The following ZDHHC17 variants were observed in gnomAD, a reference collection of about 807,000 sequenced individuals.
ZDHHC17 encodes the protein palmitoyltransferase ZDHHC17.
A neutral mutation model predicts 90.3 loss-of-function variants in ZDHHC17; 40 were observed. That is an observed-to-expected ratio of 0.44 (90% CI 0.34 to 0.58). ZDHHC17 has a LOEUF of 0.58. Among genes scored for constraint, ZDHHC17 ranks in the 20% least tolerant of loss-of-function variants. The pLI is 0.01. For missense variants in ZDHHC17, 614 were observed against 780.8 expected (o/e 0.79, Z 2.55); for synonymous variants, 235 against 252.4 (o/e 0.93, Z 0.65).
intron 3 of ZDHHC17, among the ~76,000 whole-genome samples, chr12:76,807,763 C>A (rs112352596): frequency 6.6e-6 from 1 of 152,062 alleles, no homozygotes; most frequent in Non-Finnish European, 1.5e-5. Context: ...ATCTCAGGAA[C>A]AGTTGACTAT....
intron 1 of ZDHHC17, among the ~76,000 whole-genome samples, chr12:76,767,843 C>T (rs1400757404): frequency 6.6e-6 from 1 of 151,804 alleles, no homozygotes; most frequent in Non-Finnish European, 1.5e-5. Context: ...TGCTTGAACC[C>T]GGGAGGTGGA....
intron 10 of ZDHHC17, among the ~76,000 whole-genome samples, chr12:76,841,332 T>C (rs1455507236): frequency 6.6e-6 from 1 of 152,230 alleles, no homozygotes; most frequent in Non-Finnish European, 1.5e-5. Flanking sequence ...ATCTTACAAA[T>C]GGTATTTGAG....
chr12:76,813,790 G>A (rs1953052570), intron 5 of ZDHHC17, among the ~76,000 whole-genome samples: 1 of 152,022 alleles, frequency 6.6e-6, no homozygotes, highest in Admixed American at 6.6e-5. Flanking sequence ...TAGATGCTTT[G>A]CACACATTAT....
At chr12:76,789,102 T>C (rs1952729895) in intron 1 of ZDHHC17, among the ~76,000 whole-genome samples, 1 of 152,218 alleles carries the variant, frequency 6.6e-6, no homozygotes, top group African/African-American at 2.4e-5. Context: ...ATTATAATTC[T>C]TTTGCAAAAC....
chr12:76,783,611 C>T (rs1318093037), intron 1 of ZDHHC17, among the ~76,000 whole-genome samples: 1 of 152,248 alleles, frequency 6.6e-6, no homozygotes, highest in African/African-American at 2.4e-5. Flanking sequence ...CCATGGAATA[C>T]AGATTTTATC....
At chr12:76,834,909 TA>T (rs1953345873) in intron 10 of ZDHHC17, among the ~76,000 whole-genome samples, 1 of 152,200 alleles carries the variant, frequency 6.6e-6, no homozygotes, top group African/African-American at 2.4e-5. Context: ...CTAATTACTG[TA>T]GTTTTGTTCT....
At chr12:76,832,033 A>C (rs1290414554) in intron 10 of ZDHHC17, among the ~76,000 whole-genome samples, 1 of 152,248 alleles carries the variant, frequency 6.6e-6, no homozygotes, top group Non-Finnish European at 1.5e-5. Flanking sequence ...CAATTATGCG[A>C]GGAAAACTGT....
At chr12:76,804,754 A>G (rs868835462) in intron 2 of ZDHHC17, among the ~76,000 whole-genome samples, 8 of 152,148 alleles carry the variant, frequency 5.3e-5, no homozygotes, top group South Asian at 2.1e-4. Flanking sequence ...GTGCTAGGAG[A>G]TAAATTGCCT....
At position 76,805,388 on chromosome 12, in the gene ZDHHC17, A is replaced by G. The variant is rs748572213; in HGVS notation, c.269A>G (p.Asn90Ser). Residue 90 changes from asparagine (N) to serine (S), a missense_variant, in exon 3 of 17, where the codon AAT (asparagine) becomes AGT (serine). Transcript: ENST00000426126. ...GATGTACGGCAACCGGACAAAGAAAATGTTACCCTCCTCCATTGGGCTGCC... is the reference window on the plus strand; with the variant it reads ...GATGTACGGCAACCGGACAAAGAAAGTGTTACCCTCCTCCATTGGGCTGCC... ...GYDVRQPDKE[N>S]VTLLHWAAIN... The G allele has an allele frequency of 6.2e-7, 1 of 1,602,182 alleles. No individual in the cohort carries two copies. Among genetic ancestry groups the G allele is most frequent in the South Asian group, 1.1e-5 (1 of 89,132 alleles).
intron 5 of ZDHHC17, among the ~76,000 whole-genome samples, chr12:76,810,062 G>T (rs543584427): frequency 6.6e-6 from 1 of 152,278 alleles, no homozygotes; most frequent in African/African-American, 2.4e-5. Context: ...AGATAATGAT[G>T]AAGTTGGGTT....
At chr12:76,812,964 C>T (rs752110778) in intron 5 of ZDHHC17, among the ~76,000 whole-genome samples, 23 of 152,196 alleles carry the variant, frequency 1.5e-4, no homozygotes, top group African/African-American at 5.1e-4. Flanking sequence ...AATACCCATA[C>T]GTCCAGGCTG....
intron 10 of ZDHHC17, among the ~76,000 whole-genome samples, chr12:76,831,711 A>G (rs949387072): frequency 6.6e-6 from 1 of 152,100 alleles, no homozygotes; most frequent in Non-Finnish European, 1.5e-5. Flanking sequence ...CAGTGGCACA[A>G]TCATGGCTCA....
intron 10 of ZDHHC17, among the ~76,000 whole-genome samples, chr12:76,834,551 C>T (rs1030204835): frequency 2.0e-5 from 3 of 152,086 alleles, no homozygotes; most frequent in Non-Finnish European, 4.4e-5. Flanking sequence ...TGTATCTCTC[C>T]CAGTTTCCTT....
intron 1 of ZDHHC17, among the ~76,000 whole-genome samples, chr12:76,767,931 C>T (rs1342476260): frequency 6.6e-6 from 1 of 151,854 alleles, no homozygotes; most frequent in African/African-American, 2.4e-5. Flanking sequence ...AAATCCAAAG[C>T]TGTGGTGACA....
At chr12:76,764,492 A>T in intron 1 of ZDHHC17, 163 bp downstream of exon 1, 1 of 646,820 alleles carries the variant, frequency 1.5e-6, no homozygotes, top group South Asian at 2.0e-5. Flanking sequence ...CGAGCGGATA[A>T]CGGGGGAGGA....
Position 76,822,503 on chromosome 12 carries a change from C to T in ZDHHC17, c.869C>T (p.Ser290Phe), listed in dbSNP as rs1246631848. ...CAAGCAAAAGGATATGACAATCCGT[C>T]CTTCCTTAGAAAGCTGAAAGCTGAT... Reference protein sequence around the residue: ...ARQAKGYDNPSFLRKLKADKE... With the variant: ...ARQAKGYDNPFFLRKLKADKE... Residue 290 changes from serine (S) to phenylalanine (F), a missense_variant, in exon 8 of 17, where the codon TCC (serine) becomes TTC (phenylalanine). By Grantham distance (155) the Ser-to-Phe change is radical. Around this residue, in one of 5 missense-constraint regions of ZDHHC17, gnomAD observed 358 missense variants for 380.4 expected, o/e 0.94. Coordinates refer to ENST00000426126, the MANE Select transcript of ZDHHC17 (RefSeq NM_015336.4). 1.9e-6 allele frequency: 3 copies of T among 1,607,784 alleles called. No homozygotes were observed. Among genetic ancestry groups the T allele is most frequent in the South Asian group, 1.1e-5 (1 of 90,166 alleles).
chr12:76,808,063 A>G (rs1006500923), intron 3 of ZDHHC17, among the ~76,000 whole-genome samples: 42 of 152,340 alleles, frequency 2.8e-4, no homozygotes, highest in African/African-American at 9.9e-4. Flanking sequence ...ATAATGCTTT[A>G]AAAGCACCAA....
intron 8 of ZDHHC17, among the ~76,000 whole-genome samples, chr12:76,824,310 G>A (rs1456660988): frequency 6.6e-6 from 1 of 151,752 alleles, no homozygotes; most frequent in South Asian, 2.1e-4. Context: ...TTTTTCATTA[G>A]TAGCTTTAAA....
intron 1 of ZDHHC17, among the ~76,000 whole-genome samples, chr12:76,788,388 A>C (rs1326309962): frequency 6.6e-6 from 1 of 152,206 alleles, no homozygotes; most frequent in Non-Finnish European, 1.5e-5. Context: ...CATGAATAGC[A>C]CTAATAATTG....
Sources: allele counts gnomAD v4.1 joint callset (sites outside exome capture counted in the v4.1 genomes callset), GRCh38; gene constraint gnomAD v4.1.1; regional missense constraint gnomAD v4.1.1; transcripts MANE v1.5; gene names NCBI Gene and HGNC (gene_info 2026-07-23, HGNC 2026-07-21).